The following CSMD1 variants were observed in gnomAD, a reference collection of about 807,000 sequenced individuals.
The protein encoded by CSMD1 is CUB and Sushi multiple domains 1.
In CSMD1, 213 loss-of-function variants were observed where a neutral mutation model predicts 417.5. That is an observed-to-expected ratio of 0.51 (90% CI 0.46 to 0.57). CSMD1 has a LOEUF of 0.57. CSMD1 is among the 20% of genes least tolerant of loss of function. CSMD1 has a pLI of 0.00. For synonymous variants in CSMD1, 2,862 were observed against 1,736.8 expected, an observed-to-expected ratio of 1.65 and a Z score of -16.11; for missense variants, 6,923 against 4,529.7, an observed-to-expected ratio of 1.53 and a Z score of -15.17.
At position 4,613,111 on chromosome 8, in the gene CSMD1, A is replaced by T. The variant is rs1353060598; in HGVS notation, c.302+24231T>A. Among the ~76,000 whole-genome samples, 3 of 152,172 alleles carry T rather than the reference A, an allele frequency of 2.0e-5. No individual in the cohort carries two copies. In the South Asian group the frequency reaches 6.2e-4, roughly 32 times the overall value. ...TTGTCTTATAGCTGAATGCACACAC[A>T]CACAGGTACACAATTCTAAACACGA... On this transcript the variant is annotated intron_variant, in intron 2 of 69. Coordinates refer to ENST00000635120, the MANE Select transcript of CSMD1 (RefSeq NM_033225.6).
intron 3 of CSMD1, among the ~76,000 whole-genome samples, chr8:4,264,905 T>C (rs972853823): frequency 2.0e-5 from 3 of 152,228 alleles, no homozygotes; most frequent in Non-Finnish European, 4.4e-5. Context: ...ATGTAGGAAT[T>C]GGGTTTAAGT....
In CSMD1 at chr8:3,935,060, G is replaced by A. The variant is rs118098203; in HGVS notation, c.818+62843C>T. Among the ~76,000 whole-genome samples the A allele has an allele frequency of 9.8e-3, 1,485 of 152,122 alleles. 24 individuals are homozygous for A. Among genetic ancestry groups the A allele is most frequent in the Non-Finnish European group, 0.013 (874 of 68,004 alleles). On this transcript the variant is annotated intron_variant, in intron 5 of 69. Coordinates refer to ENST00000635120, the MANE Select transcript of CSMD1 (RefSeq NM_033225.6). Reference sequence around the variant, plus strand: ...GTCTCGTTTCTTTTGCATTGCACTGGCTTCATAACTACAATATGCTTACAT... The same window carrying A: ...GTCTCGTTTCTTTTGCATTGCACTGACTTCATAACTACAATATGCTTACAT...
intron 3 of CSMD1, among the ~76,000 whole-genome samples, chr8:4,156,845 G>A (rs558879502): frequency 2.0e-5 from 3 of 151,502 alleles, no homozygotes; most frequent in Non-Finnish European, 4.4e-5. Flanking sequence ...ATCACAGGGA[G>A]GCTTTTTAAT....
intron 1 of CSMD1, among the ~76,000 whole-genome samples, chr8:4,723,208 A>G (rs2116919288): frequency 1.3e-5 from 2 of 152,284 alleles, no homozygotes; most frequent in Admixed American, 1.3e-4. Context: ...GTCATAGAGT[A>G]TAACGTAGAC....
chr8:3,360,029 C>G (rs1474722408), intron 20 of CSMD1, among the ~76,000 whole-genome samples: 1 of 152,100 alleles, frequency 6.6e-6, no homozygotes, highest in East Asian at 1.9e-4. Context: ...TTTTTGGTAA[C>G]TAACGCATGA....
intron 2 of CSMD1, among the ~76,000 whole-genome samples, chr8:4,581,367 T>C (rs1330732851): frequency 6.6e-6 from 1 of 152,234 alleles, no homozygotes; most frequent in East Asian, 1.9e-4. Context: ...CCTCTCGATA[T>C]ACTGTACATT....
chr8:4,697,059 C>G (rs1047649243), intron 1 of CSMD1, among the ~76,000 whole-genome samples: 1 of 152,056 alleles, frequency 6.6e-6, no homozygotes, highest in Non-Finnish European at 1.5e-5. Context: ...GTAATCCCAG[C>G]TACTCAGGAG....
chr8:3,778,187 G>C (rs1048523901), intron 5 of CSMD1, among the ~76,000 whole-genome samples: 2 of 152,244 alleles, frequency 1.3e-5, no homozygotes, highest in African/African-American at 4.8e-5. Flanking sequence ...GCAGGGGGCA[G>C]GGACGGGATC....
intron 2 of CSMD1, among the ~76,000 whole-genome samples, chr8:4,636,053 T>C (rs564690346): frequency 2.0e-5 from 3 of 152,168 alleles, no homozygotes; most frequent in East Asian, 3.9e-4. Context: ...TTATGTAGCA[T>C]ATATTGACAT....
intron 7 of CSMD1, among the ~76,000 whole-genome samples, chr8:3,698,677 G>C (rs1173508160): frequency 1.3e-5 from 2 of 152,108 alleles, no homozygotes; most frequent in African/African-American, 4.8e-5. Context: ...TAACACGCCT[G>C]GTATTCCTTA....
intron 5 of CSMD1, among the ~76,000 whole-genome samples, chr8:3,984,301 C>T (rs564876853): frequency 2.6e-5 from 4 of 152,198 alleles, no homozygotes; most frequent in Non-Finnish European, 5.9e-5. Flanking sequence ...CACACATGCA[C>T]AGAGTTTACT....
At chr8:3,867,014 T>C (rs1278399812) in intron 5 of CSMD1, among the ~76,000 whole-genome samples, 1 of 152,210 alleles carries the variant, frequency 6.6e-6, no homozygotes, top group South Asian at 2.1e-4. Context: ...ATATTTTTAA[T>C]TCTGTGCATT....
chr8:4,808,892 A>G lies in CSMD1; in HGVS notation c.86-171334T>C, dbSNP rs1563454208. On this transcript the variant is annotated intron_variant, in intron 1 of 69. Transcript: ENST00000635120. ...AGTCTGGATCCAATATTCTTTTTCT[A>G]TGTTTACAAAAAACTGAGCTGGATT... Among the ~76,000 whole-genome samples, 3 of 152,196 alleles carry G rather than the reference A, an allele frequency of 2.0e-5. 1 individual carries two copies. In the South Asian group the frequency reaches 6.2e-4, roughly 31 times the overall value.
chr8:4,305,502 C>T (rs1381900645), intron 3 of CSMD1, among the ~76,000 whole-genome samples: 2 of 152,196 alleles, frequency 1.3e-5, no homozygotes, highest in Non-Finnish European at 2.9e-5. Flanking sequence ...GCACTGCTTT[C>T]CCTGAGGGCA....
chr8:3,565,189 C>G (rs62475834), intron 10 of CSMD1, among the ~76,000 whole-genome samples: 161 of 14,394 alleles, frequency 0.011, no homozygotes, highest in Middle Eastern at 0.071. Flanking sequence ...AAGAAAGATA[C>G]ATAGATAGAC....
At chr8:4,208,510 G>C (rs756487633) in intron 3 of CSMD1, among the ~76,000 whole-genome samples, 1 of 152,096 alleles carries the variant, frequency 6.6e-6, no homozygotes, top group Non-Finnish European at 1.5e-5. Context: ...ATTAATCTGT[G>C]ATATACCATA....
At chr8:4,835,832 T>G (rs968889272) in intron 1 of CSMD1, among the ~76,000 whole-genome samples, 1 of 151,878 alleles carries the variant, frequency 6.6e-6, no homozygotes, top group African/African-American at 2.4e-5. Context: ...TGGAATTACT[T>G]GTACATCAAG....
intron 12 of CSMD1, among the ~76,000 whole-genome samples, chr8:3,441,139 T>C (rs1472215186): frequency 6.6e-6 from 1 of 152,086 alleles, no homozygotes; most frequent in African/African-American, 2.4e-5. Flanking sequence ...CACTGTTAGC[T>C]GAGGAGCATA....
intron 52 of CSMD1, among the ~76,000 whole-genome samples, chr8:3,014,840 C>T (rs1337125681): frequency 6.6e-6 from 1 of 151,954 alleles, no homozygotes; most frequent in African/African-American, 2.4e-5. Flanking sequence ...CACTTGAGTC[C>T]AGGAGGTCGA....
Sources: allele counts gnomAD v4.1 joint callset (sites outside exome capture counted in the v4.1 genomes callset), GRCh38; gene constraint gnomAD v4.1.1; transcripts MANE v1.5; gene names NCBI Gene and HGNC (gene_info 2026-07-23, HGNC 2026-07-21).